Variants in ACOX3 observed in about 807,000 individuals in gnomAD.
ACOX3 encodes the protein peroxisomal acyl-coenzyme A oxidase 3.
In ACOX3, 73 loss-of-function variants were observed where a neutral mutation model predicts 81.5. That is an observed-to-expected ratio of 0.90 (90% confidence interval 0.74 to 1.09). The LOEUF (loss-of-function observed/expected upper bound fraction) is 1.09. Ranked by LOEUF, ACOX3 falls within the 50% of genes least tolerant of loss-of-function variation. ACOX3 has a pLI of 0.00. For missense variants in ACOX3, 947 were observed against 928.0 expected, an observed-to-expected ratio of 1.02 and a Z score of -0.27; for synonymous variants, 387 against 375.1, an observed-to-expected ratio of 1.03 and a Z score of -0.37.
At chr4:8,435,791 G>GAAGC (rs1724202960) in intron 1 of ACOX3, among the ~76,000 whole-genome samples, 2 of 152,192 alleles carry the variant, frequency 1.3e-5, no homozygotes, top group South Asian at 4.1e-4. Context: ...AAGAGCAAGA[G>GAAGC]AAGCCAGTTT....
At position 8,406,265 on chromosome 4, in the gene ACOX3, A is replaced by C. The variant is rs1206253340; in HGVS notation, c.688-222T>G. ...CTGCAGATATAATGAATTTAAGAGCATCAAGATAAGGTCATCCCAAATCAC... is the reference window on the plus strand; with the variant it reads ...CTGCAGATATAATGAATTTAAGAGCCTCAAGATAAGGTCATCCCAAATCAC... On this transcript the variant is annotated intron_variant, in intron 6 of 17. Coordinates refer to ENST00000356406, the MANE Select transcript of ACOX3 (RefSeq NM_003501.3). The surrounding 1 kb of genome is among the most constrained non-coding windows in gnomAD (Gnocchi z 5.6). Among the ~76,000 whole-genome samples the C allele has an allele frequency of 6.6e-6, 1 of 152,224 alleles. No individual in the cohort carries two copies. The highest frequency in any genetic ancestry group is 1.5e-5 in the Non-Finnish European group (1 of 68,044).
the ACOX3 span, among the ~76,000 whole-genome samples, chr4:8,359,494 T>C: frequency 3.3e-5 from 5 of 152,212 alleles, no homozygotes; most frequent in Admixed American, 6.5e-5. The surrounding 1 kb of genome is among the most constrained non-coding windows in gnomAD (Gnocchi z 6.0). Context: ...AAGTCGCTTC[T>C]GGCTAAGAGC....
intron 14 of ACOX3, among the ~76,000 whole-genome samples, chr4:8,377,963 C>T (rs1039827292): frequency 4.6e-5 from 7 of 152,218 alleles, no homozygotes; most frequent in East Asian, 3.9e-4. Flanking sequence ...CTAGACAGGG[C>T]GGGGCTGGGC....
the ACOX3 span, among the ~76,000 whole-genome samples, chr4:8,359,116 C>T: frequency 1.3e-5 from 2 of 152,090 alleles, no homozygotes; most frequent in Admixed American, 1.3e-4. This position sits in a 1 kb window ranked among gnomAD's most constrained non-coding sequence, Gnocchi z 6.0. Context: ...ACAGAAGTGA[C>T]TATAGTGTGG....
At chr4:8,376,639 C>A (rs1300163566) in intron 14 of ACOX3, among the ~76,000 whole-genome samples, 1 of 152,166 alleles carries the variant, frequency 6.6e-6, no homozygotes, top group African/African-American at 2.4e-5. Context: ...CCCGCTGGGC[C>A]CCGCACACTC....
intron 17 of ACOX3, among the ~76,000 whole-genome samples, chr4:8,367,637 A>G (rs1342249263): frequency 6.6e-6 from 1 of 151,816 alleles, no homozygotes; most frequent in African/African-American, 2.4e-5. Context: ...AAGTACTATA[A>G]AACACATTTA....
At chr4:8,420,244 A>C (rs1369723074) in intron 1 of ACOX3, among the ~76,000 whole-genome samples, 1 of 152,212 alleles carries the variant, frequency 6.6e-6, no homozygotes, top group East Asian at 1.9e-4. Context: ...ATTATGGTAC[A>C]ACTGTTAGAG....
chr4:8,399,311 G>A lies in ACOX3; in HGVS notation c.873+245C>T, dbSNP rs1005184361. On this transcript the variant is annotated intron_variant, in intron 8 of 17. Transcript: ENST00000356406. This position sits in a 1 kb window ranked among gnomAD's most constrained non-coding sequence, Gnocchi z 4.9. ...GAGCAGTCCTCTAATCGCAGCCCCC[G>A]ATGGGGAGTGGGCATTGTAAGGCCC... 2.6e-5 allele frequency among the ~76,000 whole-genome samples: 4 copies of A among 152,200 alleles called. No individual in the cohort carries two copies. Among genetic ancestry groups the A allele is most frequent in the African/African-American group, 4.8e-5 (2 of 41,450 alleles).
In ACOX3 at chr4:8,399,526, C is replaced by T. The variant is rs753577498; in HGVS notation, c.873+30G>A. 25 of 1,572,590 alleles carry T rather than the reference C, an allele frequency of 1.6e-5. No homozygotes were observed. The highest frequency in any genetic ancestry group is 1.1e-4 in the South Asian group (10 of 89,998). On this transcript the variant is annotated intron_variant, in intron 8 of 17. Transcript: ENST00000356406. This position sits in a 1 kb window ranked among gnomAD's most constrained non-coding sequence, Gnocchi z 4.9. Reference sequence around the variant, plus strand: ...TGCAGAGGAAGGCACCTGGGAAGCACGGCACACGAACGGCCCCCCATGCCT... The same window carrying T: ...TGCAGAGGAAGGCACCTGGGAAGCATGGCACACGAACGGCCCCCCATGCCT...
chr4:8,386,482 C>T lies in ACOX3; in HGVS notation c.1537+2691G>A, dbSNP rs577895918. Among the ~76,000 whole-genome samples the T allele has an allele frequency of 4.7e-5, 7 of 149,844 alleles. No individual in the cohort carries two copies. The highest frequency in any genetic ancestry group is 8.8e-5 in the Non-Finnish European group (6 of 67,826). On this transcript the variant is annotated intron_variant, in intron 13 of 17. Coordinates refer to ENST00000356406, the MANE Select transcript of ACOX3 (RefSeq NM_003501.3). The surrounding 1 kb of genome is among the most constrained non-coding windows in gnomAD (Gnocchi z 5.2). ...TCCGGAGGCTGAGGCAGGAGAATGG[C>T]GAGAACCTGGGAGGTGGAGCTTGCA... is the stretch of plus-strand genomic sequence containing the variant.
intron 1 of ACOX3, among the ~76,000 whole-genome samples, chr4:8,435,426 G>C (rs916454328): frequency 1.3e-5 from 2 of 152,130 alleles, no homozygotes; most frequent in Non-Finnish European, 2.9e-5. Flanking sequence ...AACCTGGCAG[G>C]CGGAGCTTGC....
intron 14 of ACOX3, among the ~76,000 whole-genome samples, chr4:8,377,270 G>A (rs114372108): frequency 1.2e-4 from 18 of 152,184 alleles, no homozygotes; most frequent in African/African-American, 4.1e-4. Context: ...CACTCTCCCC[G>A]TCGCCTGCAC....
intron 8 of ACOX3, among the ~76,000 whole-genome samples, chr4:8,397,594 G>A (rs1354825878): frequency 3.3e-5 from 5 of 152,204 alleles, no homozygotes; most frequent in African/African-American, 1.2e-4. Flanking sequence ...GTTCCTTTAC[G>A]TGCGTCTAGC....
rs919870228 is a variant in ACOX3 at position 8,410,344 on chromosome 4, T to C, written c.555A>G (p.Ile185Met). The change falls in exon 6 of 18, where the codon ATA becomes ATG. Residue 185 changes from isoleucine to methionine, a missense_variant. By Grantham distance (10) the Ile-to-Met change is conservative. Transcript: ENST00000356406. ...HYDPATEEFI[I>M]HSPDFEAAKF... ...TGGCAGCTTCGAAATCAGGGGAATG[T>C]ATGATGAATTCCTGCACAAGGGAAA... 2.5e-6 allele frequency: 4 copies of C among 1,613,956 alleles called. No individual in the cohort carries two copies. Among genetic ancestry groups the C allele is most frequent in the Non-Finnish European group, 3.4e-6 (4 of 1,179,920 alleles).
At chr4:8,392,587 G>T in intron 10 of ACOX3, 134 bp from the exon 11 acceptor site, 2 of 1,023,154 alleles carry the variant, frequency 2.0e-6, no homozygotes, top group South Asian at 2.3e-5. Context: ...GACAGAAGAG[G>T]AAACCTAATT....
At position 8,384,190 on chromosome 4, in the gene ACOX3, G is replaced by A. The variant is rs1255071752; in HGVS notation, c.1538-2583C>T. Among the ~76,000 whole-genome samples the A allele has an allele frequency of 6.6e-6, 1 of 152,170 alleles. No individual in the cohort carries two copies. Among genetic ancestry groups the A allele is most frequent in the African/African-American group, 2.4e-5 (1 of 41,448 alleles). Reference sequence around the variant, plus strand: ...CTGTGCTGTGGGCTTCAAGTGAGAGGGACGCTTGAGAAATGAGTTATGTTT... The same window carrying A: ...CTGTGCTGTGGGCTTCAAGTGAGAGAGACGCTTGAGAAATGAGTTATGTTT... On this transcript the variant is annotated intron_variant, in intron 13 of 17. Transcript: ENST00000356406. This position sits in a 1 kb window ranked among gnomAD's most constrained non-coding sequence, Gnocchi z 5.3.
Position 8,430,473 on chromosome 4 carries a change from T to C in ACOX3, c.-15+10175A>G, listed in dbSNP as rs148622955. On this transcript the variant is annotated intron_variant, in intron 1 of 17. Coordinates refer to ENST00000356406, the MANE Select transcript of ACOX3 (RefSeq NM_003501.3). This position sits in a 1 kb window ranked among gnomAD's most constrained non-coding sequence, Gnocchi z 5.2. The stretch of plus-strand genomic sequence containing the variant: ...TTGAGAGTAATAAAATAACCATTTA[T>C]TGCAGAACTCACACCTCCTTTAGGT... Among the ~76,000 whole-genome samples the C allele has an allele frequency of 7.7e-4, 117 of 152,368 alleles. No homozygotes were observed. Among genetic ancestry groups the C allele is most frequent in the African/African-American group, 2.7e-3 (113 of 41,590 alleles).
At chr4:8,378,915 G>A (rs1469975451) in intron 14 of ACOX3, among the ~76,000 whole-genome samples, 2 of 152,150 alleles carry the variant, frequency 1.3e-5, no homozygotes, top group Admixed American at 6.5e-5. Flanking sequence ...TCCATGAACG[G>A]TGCTGCTGCC....
At chr4:8,429,930 A>C (rs1333433537) in intron 1 of ACOX3, among the ~76,000 whole-genome samples, 1 of 152,126 alleles carries the variant, frequency 6.6e-6, no homozygotes, top group Non-Finnish European at 1.5e-5. Flanking sequence ...AAAGTGAAAA[A>C]AGCACAAGGA....
Sources: allele counts gnomAD v4.1 joint callset (sites outside exome capture counted in the v4.1 genomes callset), GRCh38; gene constraint gnomAD v4.1.1; non-coding constraint Gnocchi (gnomAD v3.1); transcripts MANE v1.5; gene names NCBI Gene and HGNC (gene_info 2026-07-23, HGNC 2026-07-21).